Variants in PDZRN3 observed in about 807,000 individuals in gnomAD.
PDZRN3 encodes the protein E3 ubiquitin-protein ligase PDZRN3.
Under a neutral mutation model 85.7 loss-of-function variants are expected in PDZRN3, and 38 were observed. The observed-to-expected ratio is 0.44, with a 90% CI of 0.34 to 0.58. The LOEUF (loss-of-function observed/expected upper bound fraction) is 0.58, where lower values mean the gene tolerates loss of function less well. PDZRN3 is among the 20% of genes least tolerant of loss of function. The pLI is 0.01. For synonymous variants in PDZRN3, 759 were observed against 638.0 expected (o/e 1.19, Z -2.86); for missense variants, 1,629 against 1,506.4 (o/e 1.08, Z -1.35).
chr3:73,601,642 C>CA (rs1702516961), intron 3 of PDZRN3, among the ~76,000 whole-genome samples: 1 of 152,146 alleles, frequency 6.6e-6, no homozygotes, highest in East Asian at 1.9e-4. Flanking sequence ...GAGAAGGCAA[C>CA]AAATCATTCT....
chr3:73,514,021 A>C (rs1205352555), intron 3 of PDZRN3, among the ~76,000 whole-genome samples: 3 of 152,258 alleles, frequency 2.0e-5, no homozygotes, highest in Non-Finnish European at 4.4e-5. Flanking sequence ...ATTTAATCTA[A>C]TTTTAGGAAC....
intron 3 of PDZRN3, among the ~76,000 whole-genome samples, chr3:73,451,108 G>A (rs1702849804): frequency 6.6e-6 from 1 of 152,164 alleles, no homozygotes; most frequent in Non-Finnish European, 1.5e-5. Context: ...GACAATGTCA[G>A]TGCACTGCTT....
At chr3:73,623,274 G>A (rs780340029) in intron 1 of PDZRN3, among the ~76,000 whole-genome samples, 9 of 152,212 alleles carry the variant, frequency 5.9e-5, no homozygotes, top group Non-Finnish European at 1.0e-4. Context: ...AGGGATCTGG[G>A]AATTAAGCCA....
At chr3:73,543,954 C>T (rs999553375) in intron 3 of PDZRN3, among the ~76,000 whole-genome samples, 5 of 152,156 alleles carry the variant, frequency 3.3e-5, no homozygotes, top group African/African-American at 4.8e-5. Flanking sequence ...TGGTGGTTGA[C>T]GCTTCTATTC....
At chr3:73,481,711 C>T (rs1280210368) in intron 3 of PDZRN3, among the ~76,000 whole-genome samples, 1 of 152,164 alleles carries the variant, frequency 6.6e-6, no homozygotes, top group Non-Finnish European at 1.5e-5. Context: ...AAACCTCTTA[C>T]TCTTATTTCT....
chr3:73,404,477 T>C (rs1308878330), intron 3 of PDZRN3, 82 bp from the exon 4 acceptor site: 12 of 1,419,528 alleles, frequency 8.5e-6, no homozygotes, highest in Non-Finnish European at 1.1e-5. Context: ...CCTGCTTTCA[T>C]GTGTAAGCAG....
chr3:73,529,715 G>T (rs1387477177), intron 3 of PDZRN3, among the ~76,000 whole-genome samples: 1 of 152,232 alleles, frequency 6.6e-6, no homozygotes, highest in South Asian at 2.1e-4. Context: ...CTGTTTCAAA[G>T]TGCCTGTGTC....
At chr3:73,605,245 C>T (rs1702580677) in intron 2 of PDZRN3, among the ~76,000 whole-genome samples, 1 of 151,578 alleles carries the variant, frequency 6.6e-6, no homozygotes, top group Non-Finnish European at 1.5e-5. Flanking sequence ...TCTTAAAAGG[C>T]ATCTCTTTAT....
intron 3 of PDZRN3, among the ~76,000 whole-genome samples, chr3:73,464,090 A>C (rs989786469): frequency 6.6e-6 from 1 of 152,030 alleles, no homozygotes; most frequent in African/African-American, 2.4e-5. Context: ...GGTTGACGGG[A>C]TTCTCCTGCC....
intron 3 of PDZRN3, among the ~76,000 whole-genome samples, chr3:73,508,163 G>T (rs886823307): frequency 2.0e-5 from 3 of 152,078 alleles, no homozygotes; most frequent in Non-Finnish European, 4.4e-5. Flanking sequence ...GACTAGAAAT[G>T]TACTTCAAAA....
At chr3:73,526,017 T>C (rs564725385) in intron 3 of PDZRN3, among the ~76,000 whole-genome samples, 10 of 152,200 alleles carry the variant, frequency 6.6e-5, no homozygotes, top group Non-Finnish European at 2.9e-5. Flanking sequence ...TAGAGGTAGA[T>C]TGTCGGCTCC....
chr3:73,466,773 C>A (rs149218163), intron 3 of PDZRN3, among the ~76,000 whole-genome samples: 7 of 152,066 alleles, frequency 4.6e-5, no homozygotes, highest in Non-Finnish European at 7.4e-5. Flanking sequence ...CCATACACCC[C>A]CAATGAGGTC....
At chr3:73,462,941 C>T (rs1293582098) in intron 3 of PDZRN3, among the ~76,000 whole-genome samples, 1 of 152,198 alleles carries the variant, frequency 6.6e-6, no homozygotes, top group Non-Finnish European at 1.5e-5. Flanking sequence ...TGTCTTGCTT[C>T]CAAACCCTGT....
At chr3:73,435,295 C>T (rs1390286277) in intron 3 of PDZRN3, among the ~76,000 whole-genome samples, 4 of 152,154 alleles carry the variant, frequency 2.6e-5, no homozygotes, top group Non-Finnish European at 4.4e-5. Flanking sequence ...GGGTGAGGAG[C>T]CTTCCTTCCA....
intron 3 of PDZRN3, among the ~76,000 whole-genome samples, chr3:73,581,916 T>G (rs1465463900): frequency 6.6e-6 from 1 of 151,704 alleles, no homozygotes; most frequent in African/African-American, 2.4e-5. Flanking sequence ...CTGGGTAACA[T>G]GGTGAAACCC....
intron 3 of PDZRN3, among the ~76,000 whole-genome samples, chr3:73,574,215 C>T (rs144582151): frequency 2.2e-4 from 34 of 152,320 alleles, no homozygotes; most frequent in African/African-American, 7.9e-4. Flanking sequence ...CTTCTAAAGC[C>T]AAAGGCTGTC....
intron 3 of PDZRN3, among the ~76,000 whole-genome samples, chr3:73,545,920 A>G (rs1575726184): frequency 6.6e-6 from 1 of 151,980 alleles, no homozygotes; most frequent in African/African-American, 2.4e-5. Context: ...AGGATCTTTT[A>G]TTTTTTTAAC....
chr3:73,425,315 G>A (rs941252543), intron 3 of PDZRN3, among the ~76,000 whole-genome samples: 12 of 152,110 alleles, frequency 7.9e-5, no homozygotes, highest in African/African-American at 2.9e-4. Context: ...ACCGCGCCCA[G>A]CCATCATCAG....
intron 3 of PDZRN3, among the ~76,000 whole-genome samples, chr3:73,526,700 G>GT (rs1342924693): frequency 2.6e-5 from 4 of 152,088 alleles, no homozygotes; most frequent in Non-Finnish European, 4.4e-5. Context: ...TGTTGTTATT[G>GT]TTTTTTCCAG....
Sources: allele counts gnomAD v4.1 joint callset (sites outside exome capture counted in the v4.1 genomes callset), GRCh38; gene constraint gnomAD v4.1.1; transcripts MANE v1.5; gene names NCBI Gene and HGNC (gene_info 2026-07-23, HGNC 2026-07-21).